The following SLC24A3 variants were observed in gnomAD, a reference collection of about 807,000 sequenced individuals.
SLC24A3 encodes the protein sodium/potassium/calcium exchanger 3.
In SLC24A3, 28 loss-of-function variants were observed where a neutral mutation model predicts 75.8. The ratio of observed to expected loss-of-function variants is 0.37; its 90% CI spans 0.27 to 0.51. The LOEUF (loss-of-function observed/expected upper bound fraction) is 0.51. Among genes scored for constraint, SLC24A3 ranks in the 20% least tolerant of loss-of-function variants. The probability of loss-of-function intolerance (pLI) is 0.94; values close to 1 mark genes in which losing one functional copy is unlikely to be tolerated. For missense variants in SLC24A3, 663 were observed against 847.8 expected, an observed-to-expected ratio of 0.78 and a Z score of 2.71; for synonymous variants, 372 against 334.1, an observed-to-expected ratio of 1.11 and a Z score of -1.24.
chr20:19,301,631 C>T (rs1397434873), intron 2 of SLC24A3, among the ~76,000 whole-genome samples: 1 of 152,156 alleles, frequency 6.6e-6, no homozygotes, highest in Non-Finnish European at 1.5e-5. Context: ...TAAAGTAAGT[C>T]GTATTTCTTT....
intron 3 of SLC24A3, 121 bp downstream of exon 3, chr20:19,515,685 T>TG (rs777638345): frequency 2.4e-5 from 23 of 964,382 alleles, no homozygotes; most frequent in African/African-American, 5.0e-5. Context: ...CGCTGCCTGG[T>TG]GGGGGTCCTT....
chr20:19,415,559 C>A (rs970035691), intron 2 of SLC24A3, among the ~76,000 whole-genome samples: 2 of 152,020 alleles, frequency 1.3e-5, no homozygotes, highest in Non-Finnish European at 2.9e-5. Flanking sequence ...ATAAAACAAC[C>A]TTTCAAAACT....
intron 7 of SLC24A3, among the ~76,000 whole-genome samples, chr20:19,659,680 G>A (rs181984097): frequency 3.3e-5 from 5 of 152,276 alleles, no homozygotes; most frequent in Admixed American, 1.3e-4. Context: ...TTCACCCAAG[G>A]TCAGGGACCG....
intron 3 of SLC24A3, among the ~76,000 whole-genome samples, chr20:19,530,174 A>G (rs957812441): frequency 2.0e-5 from 3 of 152,204 alleles, no homozygotes; most frequent in African/African-American, 7.2e-5. Flanking sequence ...TGGCGTTGGC[A>G]TGGAGACACA....
intron 16 of SLC24A3, 25 bp from the exon 17 acceptor site, chr20:19,720,966 T>A: frequency 3.1e-6 from 5 of 1,612,140 alleles, no homozygotes; most frequent in Non-Finnish European, 4.2e-6. Context: ...CCTGGTGCCC[T>A]CTGAACCTGT....
At chr20:19,536,608 C>T (rs988763808) in intron 3 of SLC24A3, among the ~76,000 whole-genome samples, 1 of 152,178 alleles carries the variant, frequency 6.6e-6, no homozygotes, top group African/African-American at 2.4e-5. Context: ...AGGCATCACG[C>T]TACCTGACTT....
intron 2 of SLC24A3, among the ~76,000 whole-genome samples, chr20:19,488,363 G>A (rs1247590588): frequency 1.3e-5 from 2 of 152,180 alleles, no homozygotes; most frequent in Admixed American, 6.5e-5. Context: ...TGACACGTTA[G>A]GATGGGAATC....
At chr20:19,627,838 T>C (rs1366289450) in intron 6 of SLC24A3, among the ~76,000 whole-genome samples, 1 of 152,142 alleles carries the variant, frequency 6.6e-6, no homozygotes, top group Non-Finnish European at 1.5e-5. Flanking sequence ...TAAGGAGATG[T>C]ATATTAGCAC....
intron 2 of SLC24A3, among the ~76,000 whole-genome samples, chr20:19,346,371 G>T (rs1600440728): frequency 7.9e-6 from 1 of 126,910 alleles, no homozygotes; most frequent in Non-Finnish European, 1.6e-5. Context: ...TATATATGTG[G>T]TGTATATATA....
At chr20:19,367,081 G>A (rs568351383) in intron 2 of SLC24A3, among the ~76,000 whole-genome samples, 14 of 152,350 alleles carry the variant, frequency 9.2e-5, no homozygotes, top group African/African-American at 3.4e-4. Context: ...TGAGCACTTG[G>A]CATGTGGCTA....
chr20:19,640,150 G>A (rs73605534), intron 6 of SLC24A3, among the ~76,000 whole-genome samples: 1,854 of 152,358 alleles, frequency 0.012, 31 homozygotes, highest in African/African-American at 0.042. Context: ...GAGGAGGCGC[G>A]GAGAGCGAGC....
At chr20:19,417,557 G>A (rs1986848972) in intron 2 of SLC24A3, among the ~76,000 whole-genome samples, 1 of 152,210 alleles carries the variant, frequency 6.6e-6, no homozygotes, top group Non-Finnish European at 1.5e-5. Flanking sequence ...TTCACATTGA[G>A]AAACCTTGAA....
chr20:19,245,780 A>G (rs2122171731), intron 1 of SLC24A3, among the ~76,000 whole-genome samples: 1 of 152,264 alleles, frequency 6.6e-6, no homozygotes, highest in East Asian at 1.9e-4. Flanking sequence ...AGATAAAACA[A>G]TTTAAAACTT....
intron 2 of SLC24A3, among the ~76,000 whole-genome samples, chr20:19,481,086 G>A (rs1988044772): frequency 1.3e-5 from 2 of 152,112 alleles, no homozygotes; most frequent in Non-Finnish European, 1.5e-5. Context: ...CACATTCAGG[G>A]CATTGCGACA....
chr20:19,563,243 G>A lies in SLC24A3; in HGVS notation c.349-16757G>A, dbSNP rs556753358. Among the ~76,000 whole-genome samples, 9 of 152,084 alleles carry A rather than the reference G, an allele frequency of 5.9e-5. No individual in the cohort carries two copies. The South Asian group carries it at 1.2e-3, about 21-fold the overall frequency. ...TCTCATAGGTGCTCACATTGTCCCC[G>A]CCAGCTGAGATTTTAAAATTCAACA... On this transcript the variant is annotated intron_variant, in intron 3 of 16. Coordinates refer to ENST00000328041, the MANE Select transcript of SLC24A3 (RefSeq NM_020689.4).
At chr20:19,667,494 C>T (rs754178494) in intron 8 of SLC24A3, among the ~76,000 whole-genome samples, 7 of 152,240 alleles carry the variant, frequency 4.6e-5, no homozygotes, top group Non-Finnish European at 8.8e-5. Flanking sequence ...CCTTAGCAAA[C>T]AGTAGGTGCT....
intron 15 of SLC24A3, among the ~76,000 whole-genome samples, chr20:19,709,515 G>A (rs971074848): frequency 3.3e-5 from 5 of 152,136 alleles, no homozygotes; most frequent in Middle Eastern, 3.4e-3. Context: ...CCAGCTACTC[G>A]GGAGGCTGAG....
intron 2 of SLC24A3, among the ~76,000 whole-genome samples, chr20:19,402,341 G>A (rs1281845000): frequency 1.1e-4 from 17 of 152,196 alleles, no homozygotes; most frequent in Admixed American, 9.8e-4. Flanking sequence ...AGGAATGTGA[G>A]TGAAGGATGA....
chr20:19,534,687 G>A (rs919692828), intron 3 of SLC24A3, among the ~76,000 whole-genome samples: 1 of 152,180 alleles, frequency 6.6e-6, no homozygotes, highest in South Asian at 2.1e-4. Flanking sequence ...TTACAGGCCT[G>A]AGCCACCATG....
Sources: gnomAD v4.1 joint callset for allele counts (sites outside exome capture counted in the v4.1 genomes callset) on GRCh38, gnomAD v4.1.1 for gene constraint, MANE v1.5 for transcripts, NCBI Gene and HGNC (gene_info 2026-07-23, HGNC 2026-07-21) for gene names.